MROH9: variants seen among roughly 807,000 people sequenced by gnomAD.
MROH9 encodes the protein maestro heat-like repeat-containing protein family member 9.
MROH9 carries 92 observed loss-of-function variants against 98.2 expected under a neutral mutation model. The ratio of observed to expected loss-of-function variants is 0.94; its 90% confidence interval spans 0.79 to 1.11. The LOEUF is 1.11. Among genes scored for constraint, MROH9 ranks in the 50% most tolerant of loss-of-function variants. The pLI is 0.00. For missense variants in MROH9, 1,057 were observed against 1,014.8 expected, an observed-to-expected ratio of 1.04 and a Z score of -0.57; for synonymous variants, 397 against 368.9, an observed-to-expected ratio of 1.08 and a Z score of -0.87.
chr1:171,003,047 C>A (rs112266729), intron 15 of MROH9, among the ~76,000 whole-genome samples: 1,935 of 152,160 alleles, frequency 0.013, 48 homozygotes, highest in African/African-American at 0.045. Context: ...ATTGCTGAGA[C>A]TTTCCAGAGC....
intron 3 of MROH9, among the ~76,000 whole-genome samples, chr1:170,955,732 T>C (rs1185103251): frequency 6.6e-6 from 1 of 152,224 alleles, no homozygotes; most frequent in Non-Finnish European, 1.5e-5. Context: ...GTCAGATGTA[T>C]AGATTGTGAA....
chr1:170,979,520 T>C (rs1407736070), intron 8 of MROH9, among the ~76,000 whole-genome samples: 5 of 152,182 alleles, frequency 3.3e-5, no homozygotes, highest in African/African-American at 1.2e-4. Flanking sequence ...TATTCAAATA[T>C]TAATCCAAAG....
chr1:170,943,702 C>A (rs930486400), intron 1 of MROH9, among the ~76,000 whole-genome samples: 7 of 151,250 alleles, frequency 4.6e-5, no homozygotes, highest in Non-Finnish European at 8.9e-5. Flanking sequence ...TGCTAGATGA[C>A]AATGGAACAA....
At chr1:171,008,199 G>C (rs760034884) in intron 15 of MROH9, among the ~76,000 whole-genome samples, 22 of 152,078 alleles carry the variant, frequency 1.4e-4, no homozygotes, top group Non-Finnish European at 2.9e-4. Context: ...AGTTGTATTT[G>C]AAATGTTGAA....
At chr1:171,022,920 G>C (rs1342614763) in intron 17 of MROH9, among the ~76,000 whole-genome samples, 1 of 152,168 alleles carries the variant, frequency 6.6e-6, no homozygotes, top group Non-Finnish European at 1.5e-5. Context: ...AGAAGGCAAT[G>C]TTTGGCCAAG....
intron 1 of MROH9, among the ~76,000 whole-genome samples, chr1:170,942,120 A>T (rs1011734035): frequency 7.2e-5 from 11 of 152,124 alleles, no homozygotes; most frequent in Non-Finnish European, 1.5e-4. Context: ...ATCCATTTCT[A>T]CACAGGTTCC....
chr1:170,941,038 G>A (rs1034988733), intron 1 of MROH9, among the ~76,000 whole-genome samples: 3 of 152,106 alleles, frequency 2.0e-5, no homozygotes, highest in Non-Finnish European at 4.4e-5. Flanking sequence ...ATGGATTGGG[G>A]ACACACCGGA....
chr1:171,049,859 T>C, intron 20 of MROH9, among the ~76,000 whole-genome samples: 1 of 152,060 alleles, frequency 6.6e-6, no homozygotes, highest in African/African-American at 2.4e-5. Flanking sequence ...TTTTGTATTG[T>C]TTTGTAAAAA....
intron 20 of MROH9, among the ~76,000 whole-genome samples, chr1:171,029,795 T>C (rs983174068): frequency 6.6e-6 from 1 of 152,220 alleles, no homozygotes; most frequent in African/African-American, 2.4e-5. Context: ...GGTATCAGAA[T>C]GATGCTGGCT....
At position 170,996,023 on chromosome 1, in the gene MROH9, A is replaced by G. The variant is rs191378546; in HGVS notation, c.1338-484A>G. Among the ~76,000 whole-genome samples, 23 of 152,280 alleles carry G rather than the reference A, an allele frequency of 1.5e-4. No homozygotes were observed. In the East Asian group the frequency reaches 3.9e-3, roughly 26 times the overall value. ...TGACTACGTGCAGTTGTCTGTCCAC[A>G]TAGAAGTTTGGCAATTCCATTTTGC... On this transcript the variant is annotated intron_variant, in intron 13 of 21. Transcript: ENST00000367759.
At chr1:171,054,323 C>T (rs1379600208) in intron 20 of MROH9, among the ~76,000 whole-genome samples, 1 of 152,102 alleles carries the variant, frequency 6.6e-6, no homozygotes. Context: ...AATTGGCAAG[C>T]CACATGTAGA....
chr1:171,016,453 C>T, intron 17 of MROH9, 117 bp downstream of exon 17: 1 of 725,106 alleles, frequency 1.4e-6, no homozygotes, highest in South Asian at 4.4e-5. Context: ...GCCACCATTT[C>T]TTTTACAGAG....
In MROH9 at chr1:171,064,351, T is replaced by C; in HGVS notation, c.*11T>C. The C allele has an allele frequency of 1.3e-6, 2 of 1,517,054 alleles. No individual in the cohort carries two copies. The highest frequency in any genetic ancestry group is 1.8e-6 in the Non-Finnish European group (2 of 1,136,136). 94.0% of individuals were successfully genotyped at this position (1,517,054 alleles called of 1,614,324 possible). On this transcript the variant is annotated 3_prime_UTR_variant, in exon 22 of 22. Transcript: ENST00000367759. ...GATAAGGCCTTATAGAAGAGAATGATGATGACATTCATCATTCATAAACAA... is the reference window on the plus strand; with the variant it reads ...GATAAGGCCTTATAGAAGAGAATGACGATGACATTCATCATTCATAAACAA...
chr1:171,049,391 T>C (rs940600131), intron 20 of MROH9, among the ~76,000 whole-genome samples: 4 of 152,102 alleles, frequency 2.6e-5, no homozygotes, highest in African/African-American at 9.7e-5. Context: ...ACACAGCAGT[T>C]GTGAGGGAGA....
intron 20 of MROH9, among the ~76,000 whole-genome samples, chr1:171,029,707 T>C (rs1358889576): frequency 6.6e-6 from 1 of 152,214 alleles, no homozygotes; most frequent in African/African-American, 2.4e-5. Context: ...CAGTATTTTA[T>C]TGAGGATTTT....
intron 17 of MROH9, among the ~76,000 whole-genome samples, chr1:171,019,885 G>GA (rs1279158234): frequency 1.3e-5 from 2 of 151,820 alleles, no homozygotes; most frequent in African/African-American, 4.8e-5. Flanking sequence ...GACTAATATA[G>GA]AAAAAAAGAA....
chr1:171,019,139 T>A (rs1652427662), intron 17 of MROH9, among the ~76,000 whole-genome samples: 1 of 152,178 alleles, frequency 6.6e-6, no homozygotes, highest in South Asian at 2.1e-4. Context: ...TGCAATCACA[T>A]TAGAGCTCAG....
rs116028381 is a variant in MROH9 at position 170,988,314 on chromosome 1, A to G, written c.880-1541A>G. Among the ~76,000 whole-genome samples, 524 of 152,272 alleles carry G rather than the reference A, an allele frequency of 3.4e-3. 4 individuals carry two copies. The highest frequency in any genetic ancestry group is 0.014 in the Middle Eastern group (4 of 294). On this transcript the variant is annotated intron_variant, in intron 10 of 21. Coordinates refer to ENST00000367759, the MANE Select transcript of MROH9 (RefSeq NM_001163629.2). Reference sequence around the variant, plus strand: ...CTTACTCAAATTCATAGAGCAGGAAAGGGGAGGAGATGCTTTATATAGAAC... The same window carrying G: ...CTTACTCAAATTCATAGAGCAGGAAGGGGGAGGAGATGCTTTATATAGAAC...
rs1422545425 is a variant in MROH9 at position 171,014,269 on chromosome 1, T to C, written c.1734+15T>C. On this transcript the variant is annotated intron_variant, in intron 16 of 21. Coordinates refer to ENST00000367759, the MANE Select transcript of MROH9 (RefSeq NM_001163629.2). ...TTATCAATAAGGTATGTGTATGTGA[T>C]TTGTGTCTGCAAGCATCATCTAAAT... The C allele has an allele frequency of 2.6e-6, 4 of 1,543,822 alleles. No individual in the cohort carries two copies. The Admixed American group carries it at 8.0e-5, about 31-fold the overall frequency.
Sources: gnomAD v4.1 joint callset for allele counts (sites outside exome capture counted in the v4.1 genomes callset) on GRCh38, gnomAD v4.1.1 for gene constraint, MANE v1.5 for transcripts, NCBI Gene and HGNC (gene_info 2026-07-23, HGNC 2026-07-21) for gene names.